The following HELZ variants were observed in gnomAD, a reference collection of about 807,000 sequenced individuals.
HELZ encodes the protein ATP-dependent RNA helicase with zinc finger domain.
Under a neutral mutation model 218.2 loss-of-function variants are expected in HELZ, and 23 were observed. The observed-to-expected ratio is 0.11, with a 90% CI of 0.08 to 0.15. The LOEUF is 0.15. Ranked by LOEUF, HELZ falls within the 10% of genes least tolerant of loss-of-function variation. The pLI, the probability that HELZ is intolerant of heterozygous loss-of-function variation, is 1.00. For synonymous variants in HELZ, 814 were observed against 829.4 expected, an observed-to-expected ratio of 0.98 and a Z score of 0.32; for missense variants, 1,813 against 2,353.7, an observed-to-expected ratio of 0.77 and a Z score of 4.75.
chr17:67,190,551 C>T (rs888794781), intron 9 of HELZ, among the ~76,000 whole-genome samples, 196 bp from the exon 10 acceptor site: 1 of 152,194 alleles, frequency 6.6e-6, no homozygotes, highest in Non-Finnish European at 1.5e-5. Context: ...AAAACATCAG[C>T]TCCCCATATT....
Position 67,188,100 on chromosome 17 carries a change from A to C in HELZ, c.1162+219T>G. ...TCATCTACTCATACAAGTTTGGGGAACCTCAAAGTTCAAGCTTTACCTGGT... is the reference window on the plus strand; with the variant it reads ...TCATCTACTCATACAAGTTTGGGGACCCTCAAAGTTCAAGCTTTACCTGGT... On this transcript the variant is annotated intron_variant, in intron 12 of 32. Coordinates refer to ENST00000358691, the MANE Select transcript of HELZ (RefSeq NM_014877.4). This position sits in a 1 kb window ranked among gnomAD's most constrained non-coding sequence, Gnocchi z 4.1. 2.1e-6 allele frequency: 1 copy of C among 468,982 alleles called. No individual in the cohort carries two copies. The allele number at this position is 468,982 out of a possible 1,614,324, so 29.1% of individuals were successfully genotyped here. A position where few individuals can be genotyped will look rare whatever the true frequency, so the allele number is the denominator to read the frequency against.
At chr17:67,174,982 A>G (rs1172843679) in intron 13 of HELZ, among the ~76,000 whole-genome samples, 1 of 152,206 alleles carries the variant, frequency 6.6e-6, no homozygotes, top group Non-Finnish European at 1.5e-5. Context: ...TACATGTCCA[A>G]GTCATTTAGA....
intron 13 of HELZ, among the ~76,000 whole-genome samples, chr17:67,177,781 T>G (rs781550317): frequency 6.6e-6 from 1 of 152,122 alleles, no homozygotes; most frequent in Non-Finnish European, 1.5e-5. Flanking sequence ...AAAAGTTAGA[T>G]CATAACTAAT....
rs75178941 is a variant in HELZ at position 67,138,631 on chromosome 17, T to C, written c.2770-517A>G. ...AAGCAGACCAGCCAACAGCCACCAA[T>C]TGACAACAAACCACAGCTGGGACTA... On this transcript the variant is annotated intron_variant, in intron 21 of 32. Transcript: ENST00000358691. Among the ~76,000 whole-genome samples the C allele has an allele frequency of 1.7e-3, 253 of 152,318 alleles. 2 individuals carry two copies. The East Asian group carries it at 0.035, about 21-fold the overall frequency.
chr17:67,118,125 A>C (rs537954679), intron 27 of HELZ, among the ~76,000 whole-genome samples: 2 of 152,236 alleles, frequency 1.3e-5, no homozygotes, highest in Non-Finnish European at 2.9e-5. Context: ...ACCTGACTTA[A>C]AGACTTTTAC....
intron 5 of HELZ, among the ~76,000 whole-genome samples, chr17:67,213,520 G>A (rs187719931): frequency 1.7e-4 from 26 of 152,252 alleles, no homozygotes; most frequent in African/African-American, 6.3e-4. Flanking sequence ...TACTCAGGAG[G>A]CTGAGGCAGG....
intron 17 of HELZ, among the ~76,000 whole-genome samples, chr17:67,152,110 A>G (rs567439065): frequency 5.9e-5 from 9 of 152,324 alleles, no homozygotes. Flanking sequence ...GGGGGTGGAT[A>G]GCGGTGTGCT....
rs1227338200 is a variant in HELZ at position 67,239,452 on chromosome 17, G to T, written c.-38C>A. The T allele has an allele frequency of 6.6e-6, 1 of 152,100 alleles. No individual in the cohort carries two copies. Among genetic ancestry groups the T allele is most frequent in the African/African-American group, 2.4e-5 (1 of 41,382 alleles). The allele number at this position is 152,100 out of a possible 1,614,324, so 9.4% of individuals were successfully genotyped here. A position where few individuals can be genotyped will look rare whatever the true frequency, so the allele number is the denominator to read the frequency against. The stretch of plus-strand genomic sequence containing the variant: ...ACTCACCTGCAGTTCACTGCACTGG[G>T]TATCACCCAAATAGCCCATCAGAGC... On this transcript the variant is annotated 5_prime_UTR_variant, in exon 3 of 33. Transcript: ENST00000358691.
intron 2 of HELZ, among the ~76,000 whole-genome samples, chr17:67,241,825 C>T (rs1006673036): frequency 2.0e-5 from 3 of 152,232 alleles, no homozygotes; most frequent in Non-Finnish European, 2.9e-5. Context: ...CTCAGAGACA[C>T]AGACTTCTAC....
chr17:67,169,334 G>T (rs182793674), intron 13 of HELZ, among the ~76,000 whole-genome samples: 1 of 152,162 alleles, frequency 6.6e-6, no homozygotes, highest in African/African-American at 2.4e-5. Flanking sequence ...CTGGAGAATA[G>T]AAAGTCTAAG....
intron 20 of HELZ, among the ~76,000 whole-genome samples, chr17:67,148,224 G>A (rs911911167): frequency 6.6e-6 from 1 of 152,170 alleles, no homozygotes; most frequent in Non-Finnish European, 1.5e-5. Context: ...AAGTGAAATG[G>A]AGGACACCCA....
At chr17:67,184,500 A>T (rs1786371774) in intron 12 of HELZ, among the ~76,000 whole-genome samples, 1 of 151,880 alleles carries the variant, frequency 6.6e-6, no homozygotes. Context: ...AGTAATCTCT[A>T]AAAAAAAGAA....
chr17:67,084,594 C>T (rs1302128455), intron 32 of HELZ, among the ~76,000 whole-genome samples: 20 of 149,426 alleles, frequency 1.3e-4, no homozygotes, highest in African/African-American at 1.7e-4. Context: ...ACCCGGGAGG[C>T]GGAGCTTGCA....
In HELZ at chr17:67,173,360, C is replaced by A. The variant is rs1442124141; in HGVS notation, c.1430+5299G>T. ...AGATATTTCTTAATAAGAAGAAAAA[C>A]CATCTTTCCATTGTTGCATGCTACA... On this transcript the variant is annotated intron_variant, in intron 13 of 32. Transcript: ENST00000358691. Among the ~76,000 whole-genome samples, 5 of 151,970 alleles carry A rather than the reference C, an allele frequency of 3.3e-5. No individual in the cohort carries two copies. The East Asian group carries it at 5.8e-4, about 18-fold the overall frequency.
intron 17 of HELZ, among the ~76,000 whole-genome samples, chr17:67,152,551 C>T (rs973375204): frequency 2.7e-4 from 41 of 151,934 alleles, no homozygotes; most frequent in South Asian, 1.0e-3. Flanking sequence ...ATGGTGATGG[C>T]GTTTGCAAAG....
intron 21 of HELZ, among the ~76,000 whole-genome samples, chr17:67,141,509 TCTC>T (rs2143977528): frequency 6.6e-6 from 1 of 152,012 alleles, no homozygotes; most frequent in Admixed American, 6.6e-5. Context: ...CACAGGTTGA[TCTC>T]CTGTGTCTTC....
chr17:67,118,456 T>A (rs909116283), intron 27 of HELZ, among the ~76,000 whole-genome samples: 4 of 151,986 alleles, frequency 2.6e-5, no homozygotes, highest in African/African-American at 4.8e-5. Context: ...TTAGATATAT[T>A]TTTTTTAAGA....
intron 31 of HELZ, among the ~76,000 whole-genome samples, chr17:67,101,122 A>AG (rs1017855476): frequency 8.6e-5 from 13 of 151,702 alleles, no homozygotes; most frequent in African/African-American, 2.9e-4. Flanking sequence ...AAAAAAAAAA[A>AG]AAAAAGGAAA....
At chr17:67,227,283 C>G (rs1457758609) in intron 3 of HELZ, among the ~76,000 whole-genome samples, 3 of 151,800 alleles carry the variant, frequency 2.0e-5, no homozygotes, top group Non-Finnish European at 4.4e-5. Flanking sequence ...ACCTCCACCT[C>G]CCAGGTTCAA....
Sources: allele counts gnomAD v4.1 joint callset (sites outside exome capture counted in the v4.1 genomes callset), GRCh38; gene constraint gnomAD v4.1.1; non-coding constraint Gnocchi (gnomAD v3.1); transcripts MANE v1.5; gene names NCBI Gene and HGNC (gene_info 2026-07-23, HGNC 2026-07-21).